Variants in CCDC192 observed in about 807,000 individuals in gnomAD.
CCDC192 encodes the protein coiled-coil domain-containing protein 192.
chr5:127,939,410 C>T (rs1460574679), intron 6 of CCDC192, among the ~76,000 whole-genome samples: 1 of 151,982 alleles, frequency 6.6e-6, no homozygotes, highest in Admixed American at 6.6e-5. Context: ...AGCCACCGTG[C>T]CCCACCTTCA....
In CCDC192 at chr5:127,820,016, A is replaced by G. The variant is rs1273923502; in HGVS notation, c.411+21854A>G. On this transcript the variant is annotated intron_variant, in intron 5 of 6. Transcript: ENST00000514853. ...ACACACGTACATCTCTAATATTGAA[A>G]CTTAACCTTAGCATTTCATCTTCAT... 2.0e-5 allele frequency among the ~76,000 whole-genome samples: 3 copies of G among 152,134 alleles called. No homozygotes were observed. In the East Asian group the frequency reaches 5.8e-4, roughly 29 times the overall value.
chr5:127,894,541 C>T (rs1044719946), intron 6 of CCDC192, among the ~76,000 whole-genome samples: 2 of 152,096 alleles, frequency 1.3e-5, no homozygotes, highest in Non-Finnish European at 2.9e-5. Context: ...TTAGCCATGA[C>T]ATGTTAACTT....
chr5:127,823,476 T>C (rs937352087), intron 5 of CCDC192, among the ~76,000 whole-genome samples: 5 of 152,208 alleles, frequency 3.3e-5, no homozygotes, highest in Admixed American at 2.6e-4. Flanking sequence ...CTGATTTTAC[T>C]TATTCAATTT....
intron 2 of CCDC192, chr5:127,740,221 G>A (rs554517608): frequency 6.6e-6 from 1 of 152,302 alleles, no homozygotes; most frequent in African/African-American, 2.4e-5. Flanking sequence ...GCACTGAGTA[G>A]CTACAGTTGG....
At chr5:127,760,695 C>A in intron 3 of CCDC192, among the ~76,000 whole-genome samples, 2 of 98,534 alleles carry the variant, frequency 2.0e-5, no homozygotes, top group Admixed American at 1.5e-4. Context: ...GAGCGAGATT[C>A]TGTCTCAAAA....
At chr5:127,720,295 G>T (rs945607379) in intron 2 of CCDC192, among the ~76,000 whole-genome samples, 8 of 152,212 alleles carry the variant, frequency 5.3e-5, no homozygotes, top group South Asian at 2.1e-4. Flanking sequence ...AAGGCCCCAT[G>T]CAAGTCCAAA....
chr5:127,860,733 A>T (rs1282879511), intron 5 of CCDC192, among the ~76,000 whole-genome samples: 1 of 152,214 alleles, frequency 6.6e-6, no homozygotes, highest in Non-Finnish European at 1.5e-5. Context: ...CAAATAATCA[A>T]AGTCTGTCTA....
chr5:127,878,749 A>G (rs913275701), intron 6 of CCDC192, among the ~76,000 whole-genome samples: 1 of 151,440 alleles, frequency 6.6e-6, no homozygotes, highest in Non-Finnish European at 1.5e-5. Context: ...GAAGAAAGTC[A>G]TTGGTAGCTT....
intron 5 of CCDC192, among the ~76,000 whole-genome samples, chr5:127,846,624 C>T (rs1264162825): frequency 6.6e-6 from 1 of 151,866 alleles, no homozygotes; most frequent in Non-Finnish European, 1.5e-5. Context: ...CGCTCACCAC[C>T]ACGCCCGGTT....
At chr5:127,704,059 TC>T (rs1750825238) in intron 1 of CCDC192, among the ~76,000 whole-genome samples, 2 of 152,252 alleles carry the variant, frequency 1.3e-5, no homozygotes. Flanking sequence ...GGAAATATCT[TC>T]CATTTACAAT....
At chr5:127,797,766 TA>T (rs1561494210) in intron 4 of CCDC192, among the ~76,000 whole-genome samples, 292 of 13,468 alleles carry the variant, frequency 0.022, 10 homozygotes, top group South Asian at 0.056. Context: ...TATATATATA[TA>T]TATATATATA....
intron 5 of CCDC192, among the ~76,000 whole-genome samples, chr5:127,812,783 A>G (rs570669822): frequency 6.6e-6 from 1 of 152,304 alleles, no homozygotes; most frequent in Non-Finnish European, 1.5e-5. Flanking sequence ...GGTCAATGCC[A>G]TGGGGAATGG....
chr5:127,734,520 T>C, intron 2 of CCDC192, among the ~76,000 whole-genome samples: 2 of 146,380 alleles, frequency 1.4e-5, no homozygotes, highest in African/African-American at 5.2e-5. Flanking sequence ...CCACAATGGT[T>C]GAACTAGTTT....
chr5:127,812,049 C>G (rs1432622721), intron 5 of CCDC192, among the ~76,000 whole-genome samples: 1 of 152,158 alleles, frequency 6.6e-6, no homozygotes, highest in Non-Finnish European at 1.5e-5. Flanking sequence ...GAGTAGATTG[C>G]TTGATCCTGA....
chr5:127,915,828 C>A (rs1753505995), intron 6 of CCDC192, among the ~76,000 whole-genome samples: 1 of 152,276 alleles, frequency 6.6e-6, no homozygotes, highest in South Asian at 2.1e-4. Flanking sequence ...ATTGGATCCC[C>A]CTATGACAGA....
intron 3 of CCDC192, among the ~76,000 whole-genome samples, chr5:127,757,624 A>T (rs1754672612): frequency 6.6e-6 from 1 of 151,972 alleles, no homozygotes; most frequent in Admixed American, 6.5e-5. Context: ...GATATTTCCT[A>T]AGAATGTTCT....
intron 3 of CCDC192, among the ~76,000 whole-genome samples, chr5:127,759,294 C>A (rs1324715941): frequency 1.3e-5 from 2 of 152,164 alleles, no homozygotes; most frequent in South Asian, 2.1e-4. Context: ...AAGAAAAAAA[C>A]CATATATTGA....
chr5:127,810,333 A>C (rs112439994), intron 5 of CCDC192, among the ~76,000 whole-genome samples: 10 of 152,326 alleles, frequency 6.6e-5, no homozygotes, highest in African/African-American at 2.2e-4. Flanking sequence ...TTTTGGGGTC[A>C]TCTCTATCCC....
intron 3 of CCDC192, among the ~76,000 whole-genome samples, chr5:127,763,518 G>C (rs770571866): frequency 3.3e-4 from 50 of 151,990 alleles, no homozygotes; most frequent in Non-Finnish European, 6.5e-4. Flanking sequence ...CACTACACCA[G>C]AATGAAGGTT....
Sources: gnomAD v4.1 joint callset for allele counts (sites outside exome capture counted in the v4.1 genomes callset) on GRCh38, gnomAD v4.1.1 for gene constraint, MANE v1.5 for transcripts, NCBI Gene and HGNC (gene_info 2026-07-23, HGNC 2026-07-21) for gene names.